Variants in HDLBP observed in about 807,000 individuals in gnomAD.
The protein encoded by HDLBP is high density lipoprotein binding protein, also known as vigilin.
A neutral mutation model predicts 137.3 loss-of-function variants in HDLBP; 30 were observed. The ratio of observed to expected loss-of-function variants is 0.22; its 90% CI spans 0.16 to 0.30. The LOEUF is 0.30. HDLBP is among the 10% of genes least tolerant of loss of function. The probability of loss-of-function intolerance (pLI) is 1.00; values close to 1 mark genes in which losing one functional copy is unlikely to be tolerated. For synonymous variants in HDLBP, 606 were observed against 596.0 expected, an observed-to-expected ratio of 1.02 and a Z score of -0.24; for missense variants, 1,119 against 1,667.3, an observed-to-expected ratio of 0.67 and a Z score of 5.73.
chr2:241,261,758 C>T (rs567993740), intron 5 of HDLBP, among the ~76,000 whole-genome samples: 1 of 152,188 alleles, frequency 6.6e-6, no homozygotes, highest in Non-Finnish European at 1.5e-5. Flanking sequence ...TGTCCCGATG[C>T]CCCCATGTGG....
Position 241,230,766 on chromosome 2 carries a change from T to G in HDLBP, c.3467A>C (p.Glu1156Ala). 4 of 1,613,936 alleles carry G rather than the reference T, an allele frequency of 2.5e-6. No individual in the cohort carries two copies. The highest frequency in any genetic ancestry group is 2.5e-6 in the Non-Finnish European group (3 of 1,179,784). ...RGKAIRKIMD[E>A]FKVDIRFPQS... Reference sequence around the variant, plus strand: ...TGCTTCCAGCCGGCTCACCTTGAATTCGTCCATGATTTTGCGAATGGCTTT... The same window carrying G: ...TGCTTCCAGCCGGCTCACCTTGAATGCGTCCATGATTTTGCGAATGGCTTT... The change falls in exon 25 of 28, where the codon GAA becomes GCA. Residue 1156 changes from glutamate (E) to alanine (A), a missense_variant. Physicochemically the swap from Glu to Ala is moderately radical, Grantham distance 107 (BLOSUM62 -1). This residue lies in a region of HDLBP where 618 missense variants were observed against 816.7 expected (regional missense o/e 0.76). Transcript: ENST00000310931. The surrounding 1 kb of genome is among the most constrained non-coding windows in gnomAD (Gnocchi z 5.0).
In HDLBP at chr2:241,266,876, T is replaced by TCTCACACC; in HGVS notation, c.-15_-8dup. 6.2e-7 allele frequency: 1 copy of TCTCACACC among 1,614,012 alleles called. No individual in the cohort carries two copies. The highest frequency in any genetic ancestry group is 8.5e-7 in the Non-Finnish European group (1 of 1,179,884). On this transcript the variant is annotated 5_prime_UTR_variant, in exon 3 of 28. Coordinates refer to ENST00000310931, the MANE Select transcript of HDLBP (RefSeq NM_005336.6). ...AAACTGCAACGGAACTCATGGTTGA[T>TCTCACACC]CTCACACCTACACACAATCCGGGAA... is the stretch of plus-strand genomic sequence containing the variant.
chr2:241,242,595 G>A lies in HDLBP; in HGVS notation c.2034C>T (p.Ser678=), dbSNP rs771194179. 1.7e-5 allele frequency: 28 copies of A among 1,614,122 alleles called. No individual in the cohort carries two copies. Among genetic ancestry groups the A allele is most frequent in the Non-Finnish European group, 1.7e-6 (2 of 1,180,052 alleles). Residue 678 remains serine (S), a synonymous_variant, in exon 17 of 28, where the codon TCC becomes TCT. Coordinates refer to ENST00000310931, the MANE Select transcript of HDLBP (RefSeq NM_005336.6). ...LIGTKGRLIR[S]IMEECGGVHI... is the part of the protein sequence containing the mutation. ...GGACCCCGCCGCACTCCTCCATGAT[G>A]GAGCGGATCAGACGGCCCTTGGTGC...
chr2:241,280,742 A>G (rs1286055808), intron 1 of HDLBP, among the ~76,000 whole-genome samples: 1 of 152,200 alleles, frequency 6.6e-6, no homozygotes, highest in African/African-American at 2.4e-5. Flanking sequence ...CTAGTTGTTT[A>G]AGCTCTCAAC....
At position 241,240,761 on chromosome 2, in the gene HDLBP, C is replaced by T. The variant is rs1047520328; in HGVS notation, c.2170-639G>A. Among the ~76,000 whole-genome samples, 8 of 152,056 alleles carry T rather than the reference C, an allele frequency of 5.3e-5. No individual in the cohort carries two copies. Among genetic ancestry groups the T allele is most frequent in the African/African-American group, 9.7e-5 (4 of 41,404 alleles). Reference sequence around the variant, plus strand: ...ACGCCCTTGTGTGGCAGTAAGAAAACGAGGGTCCTGGAAAGGCCCCGGACA... The same window carrying T: ...ACGCCCTTGTGTGGCAGTAAGAAAATGAGGGTCCTGGAAAGGCCCCGGACA... On this transcript the variant is annotated intron_variant, in intron 17 of 27. Coordinates refer to ENST00000310931, the MANE Select transcript of HDLBP (RefSeq NM_005336.6). This position sits in a 1 kb window ranked among gnomAD's most constrained non-coding sequence, Gnocchi z 5.5.
intron 11 of HDLBP, chr2:241,251,075 T>G (rs1418927488): frequency 6.6e-6 from 1 of 152,084 alleles, no homozygotes; most frequent in African/African-American, 2.4e-5. Flanking sequence ...TGGGCTCAAG[T>G]GATATTCCTG....
chr2:241,257,874 G>A (rs1355930403), intron 5 of HDLBP, among the ~76,000 whole-genome samples: 1 of 150,140 alleles, frequency 6.7e-6, no homozygotes, highest in Non-Finnish European at 1.5e-5. Context: ...GGAAAGACCT[G>A]CTGGTCTGAA....
intron 1 of HDLBP, chr2:241,280,088 T>C: frequency 1.0e-6 from 1 of 985,328 alleles, no homozygotes; most frequent in Non-Finnish European, 1.2e-6. Flanking sequence ...TATAGGAAGT[T>C]ATTGGCACCA....
Position 241,256,307 on chromosome 2 carries a change from C to T in HDLBP, c.750G>A (p.Gln250=), listed in dbSNP as rs751423940. The T allele has an allele frequency of 1.2e-6, 2 of 1,614,126 alleles. No homozygotes were observed. Among genetic ancestry groups the T allele is most frequent in the Non-Finnish European group, 1.7e-6 (2 of 1,180,010 alleles). The change falls in exon 7 of 28, where the codon CAG becomes CAA. Residue 250 remains glutamine (Q), a synonymous_variant. Coordinates refer to ENST00000310931, the MANE Select transcript of HDLBP (RefSeq NM_005336.6). ...GGATGTTGATGCGCGTGCCTGTCTCCTGCATGATCTCGCCAACCAGTCTAT... is the reference window on the plus strand; with the variant it reads ...GGATGTTGATGCGCGTGCCTGTCTCTTGCATGATCTCGCCAACCAGTCTAT... ...PYNRLVGEIM[Q]ETGTRINIPP...
At chr2:241,236,868 G>A (rs914476610) in intron 20 of HDLBP, 99 bp from the exon 21 acceptor site, 34 of 1,302,384 alleles carry the variant, frequency 2.6e-5, no homozygotes, top group Admixed American at 2.3e-4. Flanking sequence ...CTGGGTGCTG[G>A]GTGGTAAAAG....
intron 1 of HDLBP, among the ~76,000 whole-genome samples, chr2:241,304,907 T>C (rs1245995424): frequency 1.3e-5 from 2 of 152,244 alleles, no homozygotes; most frequent in African/African-American, 2.4e-5. Flanking sequence ...TTACAGATCT[T>C]GATTTCCTGG....
At chr2:241,277,286 T>C (rs780056806) in intron 1 of HDLBP, among the ~76,000 whole-genome samples, 14 of 151,812 alleles carry the variant, frequency 9.2e-5, no homozygotes, top group South Asian at 2.1e-4. Flanking sequence ...CTACTGAAAC[T>C]AGAACAAAAA....
intron 16 of HDLBP, among the ~76,000 whole-genome samples, chr2:241,244,392 C>G (rs898304694): frequency 2.6e-5 from 4 of 152,200 alleles, no homozygotes; most frequent in Non-Finnish European, 4.4e-5. Flanking sequence ...GAAAACTACA[C>G]AGAGACACAT....
rs985622098 is a variant in HDLBP at position 241,240,164 on chromosome 2, C to A, written c.2170-42G>T. On this transcript the variant is annotated intron_variant, in intron 17 of 27. Transcript: ENST00000310931. This position sits in a 1 kb window ranked among gnomAD's most constrained non-coding sequence, Gnocchi z 5.5. ...CACTGTGTTAGCCTGACACCACGTG[C>A]CTGGACCACAGTGAGGAAGACAAGA... The A allele has an allele frequency of 3.8e-6, 6 of 1,585,550 alleles. No homozygotes were observed. Among genetic ancestry groups the A allele is most frequent in the Non-Finnish European group, 5.2e-6 (6 of 1,153,964 alleles).
intron 20 of HDLBP, among the ~76,000 whole-genome samples, chr2:241,237,622 C>T (rs758400279): frequency 9.2e-5 from 14 of 152,032 alleles, no homozygotes; most frequent in Non-Finnish European, 1.3e-4. Context: ...ATGTTAAATC[C>T]GATTCCGATA....
intron 5 of HDLBP, among the ~76,000 whole-genome samples, chr2:241,262,509 G>T (rs1207180344): frequency 6.6e-6 from 1 of 152,076 alleles, no homozygotes; most frequent in Non-Finnish European, 1.5e-5. Context: ...AGCAAAAATG[G>T]TAAGTGTCCC....
intron 1 of HDLBP, among the ~76,000 whole-genome samples, chr2:241,298,658 A>T (rs1171058849): frequency 6.6e-6 from 1 of 152,222 alleles, no homozygotes; most frequent in Non-Finnish European, 1.5e-5. Flanking sequence ...GAGAAGCTGG[A>T]AGGCAGCACC....
In HDLBP at chr2:241,272,979, TC is replaced by T. The variant is rs2074228462; in HGVS notation, c.-102-4439del. On this transcript the variant is annotated intron_variant, in intron 1 of 27. Coordinates refer to ENST00000310931, the MANE Select transcript of HDLBP (RefSeq NM_005336.6). The surrounding 1 kb of genome is among the most constrained non-coding windows in gnomAD (Gnocchi z 5.6). ...AGGCCCACCCAACTGCAGGCGTGGT[TC>T]TGCATCCTTTTTTCGGGTGGGGAAG... is the stretch of plus-strand genomic sequence containing the variant. 1 of 977,790 alleles carries T rather than the reference TC, an allele frequency of 1.0e-6. No individual in the cohort carries two copies. Among genetic ancestry groups the T allele is most frequent in the Admixed American group, 6.2e-5 (1 of 16,256 alleles). 60.6% of individuals were successfully genotyped at this position (977,790 alleles called of 1,614,324 possible).
intron 1 of HDLBP, among the ~76,000 whole-genome samples, chr2:241,287,787 T>G (rs1180732847): frequency 6.6e-6 from 1 of 152,154 alleles, no homozygotes; most frequent in Non-Finnish European, 1.5e-5. Flanking sequence ...TGTACATGCA[T>G]AAGACCTCTC....
Sources: allele counts gnomAD v4.1 joint callset (sites outside exome capture counted in the v4.1 genomes callset), GRCh38; gene constraint gnomAD v4.1.1; regional missense constraint gnomAD v4.1.1; non-coding constraint Gnocchi (gnomAD v3.1); transcripts MANE v1.5; gene names NCBI Gene and HGNC (gene_info 2026-07-23, HGNC 2026-07-21).